Variants in LOXHD1 observed in about 807,000 individuals in gnomAD.
LOXHD1 encodes the protein lipoxygenase homology PLAT domains 1.
LOXHD1 carries 205 observed loss-of-function variants against 248.2 expected under a neutral mutation model. The observed-to-expected ratio is 0.83, with a 90% CI of 0.74 to 0.93. The LOEUF is 0.93. Among genes scored for constraint, LOXHD1 ranks in the 40% least tolerant of loss-of-function variants. The pLI is 0.00. For synonymous variants in LOXHD1, 1,113 were observed against 1,162.8 expected, an observed-to-expected ratio of 0.96 and a Z score of 0.87; for missense variants, 2,930 against 2,971.6, an observed-to-expected ratio of 0.99 and a Z score of 0.33.
At chr18:46,547,189 C>T in intron 21 of LOXHD1, 131 bp from the exon 22 acceptor site, 6 of 1,027,542 alleles carry the variant, frequency 5.8e-6, no homozygotes, top group South Asian at 3.1e-5. Context: ...GACAGCATTG[C>T]CCTGCTATTC....
At chr18:46,622,704 A>C (rs1038769907) in intron 4 of LOXHD1, among the ~76,000 whole-genome samples, 5 of 152,200 alleles carry the variant, frequency 3.3e-5, no homozygotes, top group Admixed American at 3.3e-4. Context: ...GTTGCAGTAG[A>C]GCATGTCCTA....
chr18:46,536,472 T>A (rs2036313845), intron 26 of LOXHD1, among the ~76,000 whole-genome samples: 1 of 151,780 alleles, frequency 6.6e-6, no homozygotes, highest in South Asian at 2.1e-4. Flanking sequence ...GTTTCCCAGC[T>A]CTCACACTCC....
chr18:46,522,028 G>A (rs920639849), intron 32 of LOXHD1, 73 bp downstream of exon 32: 23 of 566,264 alleles, frequency 4.1e-5, no homozygotes, highest in Middle Eastern at 3.4e-4. Flanking sequence ...GCACTCTCCC[G>A]CCCACCCAGG....
intron 3 of LOXHD1, among the ~76,000 whole-genome samples, chr18:46,641,402 T>C (rs1317541668): frequency 6.6e-6 from 1 of 152,102 alleles, no homozygotes; most frequent in Admixed American, 6.6e-5. Context: ...TAGTAATCTC[T>C]CCTTATACCT....
chr18:46,540,548 G>A (rs1455537804), intron 25 of LOXHD1, among the ~76,000 whole-genome samples: 2 of 151,926 alleles, frequency 1.3e-5, no homozygotes, highest in Non-Finnish European at 2.9e-5. Context: ...CCAGCAGTAG[G>A]AGAACCCCTG....
At chr18:46,653,247 A>C (rs934079320) in intron 1 of LOXHD1, among the ~76,000 whole-genome samples, 4 of 151,680 alleles carry the variant, frequency 2.6e-5, no homozygotes, top group African/African-American at 9.7e-5. Flanking sequence ...ACTCCATCTC[A>C]AAAAAAAAGT....
rs1461145918 is a variant in LOXHD1 at position 46,566,722 on chromosome 18, G to C, written c.2245-273C>G. 4.9e-4 allele frequency among the ~76,000 whole-genome samples: 74 copies of C among 152,296 alleles called. 2 individuals carry two copies. Among genetic ancestry groups the C allele is most frequent in the Admixed American group, 4.8e-3 (73 of 15,304 alleles). On this transcript the variant is annotated intron_variant, in intron 16 of 40. Coordinates refer to ENST00000642948, the MANE Select transcript of LOXHD1 (RefSeq NM_001384474.1). ...CATAGTGAGAAACAAGAGGGGAGTG[G>C]AGGTGACACAAAATTTGAAAGCTCC...
At chr18:46,513,611 T>C (rs933509834) in intron 34 of LOXHD1, among the ~76,000 whole-genome samples, 2 of 152,232 alleles carry the variant, frequency 1.3e-5, no homozygotes, top group African/African-American at 4.8e-5. Context: ...CAAGGACTGC[T>C]GGCAGCCACC....
intron 12 of LOXHD1, among the ~76,000 whole-genome samples, chr18:46,581,789 T>A (rs2037968201): frequency 6.6e-6 from 1 of 152,142 alleles, no homozygotes; most frequent in Non-Finnish European, 1.5e-5. Flanking sequence ...GAAGAGAGAA[T>A]CTTGAAAGGA....
intron 22 of LOXHD1, 38 bp from the exon 23 acceptor site, chr18:46,545,459 T>C: frequency 6.8e-7 from 1 of 1,469,236 alleles, no homozygotes; most frequent in Non-Finnish European, 9.3e-7. Context: ...AATTGTAGAC[T>C]GTTCCTTTCA....
intron 12 of LOXHD1, among the ~76,000 whole-genome samples, chr18:46,582,717 C>A (rs1262907540): frequency 6.6e-6 from 1 of 152,164 alleles, no homozygotes; most frequent in Non-Finnish European, 1.5e-5. Flanking sequence ...GCTCAGCTAT[C>A]AAGGCTGATG....
chr18:46,631,665 G>A (rs921194271), intron 4 of LOXHD1, among the ~76,000 whole-genome samples: 5 of 152,168 alleles, frequency 3.3e-5, no homozygotes, highest in Admixed American at 1.3e-4. Context: ...CAGAAGATCC[G>A]CAGTTTCCTA....
In LOXHD1 at chr18:46,545,409, G is replaced by C; in HGVS notation, c.3527C>G (p.Thr1176Arg). ...CCCAGTCTTTATGGTCACTGAGAATGTGGTAGATTTATCTGCCAAGAGAAT... is the reference window on the plus strand; with the variant it reads ...CCCAGTCTTTATGGTCACTGAGAATCTGGTAGATTTATCTGCCAAGAGAAT... ...LALEQKDKSTTFSVTIKTGVK... is the reference protein window; with the variant it reads ...LALEQKDKSTRFSVTIKTGVK... Residue 1176 changes from threonine (T) to arginine (R), a missense_variant, in exon 23 of 41, where the codon ACA (threonine) becomes AGA (arginine). Transcript: ENST00000642948. 1 of 1,551,282 alleles carries C rather than the reference G, an allele frequency of 6.4e-7. No individual in the cohort carries two copies. The highest frequency in any genetic ancestry group is 1.2e-5 in the South Asian group (1 of 84,036).
intron 25 of LOXHD1, among the ~76,000 whole-genome samples, chr18:46,541,174 T>C (rs1165947554): frequency 1.3e-5 from 2 of 152,182 alleles, no homozygotes; most frequent in East Asian, 3.9e-4. Context: ...GGAAAGGAAG[T>C]GTCAAAACTT....
intron 14 of LOXHD1, among the ~76,000 whole-genome samples, chr18:46,576,923 C>T (rs1371358384): frequency 6.6e-6 from 1 of 152,180 alleles, no homozygotes; most frequent in African/African-American, 2.4e-5. Flanking sequence ...AGCTGTGCAA[C>T]TCACCCTCAT....
At chr18:46,552,151 C>A (rs1019979413) in intron 21 of LOXHD1, among the ~76,000 whole-genome samples, 4 of 152,108 alleles carry the variant, frequency 2.6e-5, no homozygotes, top group African/African-American at 9.7e-5. Flanking sequence ...ATATACTTAA[C>A]ACTATTGAAC....
At chr18:46,616,570 G>T (rs983525393) in intron 5 of LOXHD1, among the ~76,000 whole-genome samples, 1 of 152,056 alleles carries the variant, frequency 6.6e-6, no homozygotes, top group East Asian at 1.9e-4. Context: ...GCTCACCTTT[G>T]TTTCTTGTAT....
intron 4 of LOXHD1, among the ~76,000 whole-genome samples, chr18:46,628,687 G>A (rs2038778864): frequency 6.6e-6 from 1 of 152,156 alleles, no homozygotes; most frequent in Admixed American, 6.5e-5. Flanking sequence ...GAAAAAGCCT[G>A]GATGTGGGGG....
At chr18:46,650,999 A>G (rs558829571) in intron 1 of LOXHD1, among the ~76,000 whole-genome samples, 49 of 152,372 alleles carry the variant, frequency 3.2e-4, no homozygotes, top group African/African-American at 1.1e-3. Context: ...CACACAGAAG[A>G]AACTCAACAA....
Sources: gnomAD v4.1 joint callset for allele counts (sites outside exome capture counted in the v4.1 genomes callset) on GRCh38, gnomAD v4.1.1 for gene constraint, MANE v1.5 for transcripts, NCBI Gene and HGNC (gene_info 2026-07-23, HGNC 2026-07-21) for gene names.